C1QTNF7: variants seen among roughly 807,000 people sequenced by gnomAD.
The protein encoded by C1QTNF7 is C1q and TNF related 7.
In C1QTNF7, 15 loss-of-function variants were observed where a neutral mutation model predicts 19.6. That is an observed-to-expected ratio of 0.76 (90% confidence interval 0.51 to 1.18). The LOEUF is 1.18. Ranked by LOEUF, C1QTNF7 falls within the 50% of genes most tolerant of loss-of-function variation. C1QTNF7 has a pLI of 0.00. For missense variants in C1QTNF7, 324 were observed against 359.7 expected (o/e 0.90, Z 0.80); for synonymous variants, 142 against 137.5 (o/e 1.03, Z -0.23).
At chr4:15,425,431 T>C (rs1577276293), upstream of C1QTNF7, among the ~76,000 whole-genome samples, 1 of 151,942 alleles carries the variant, frequency 6.6e-6, no homozygotes, top group Non-Finnish European at 1.5e-5. Context: ...GAAAGAGGCA[T>C]AGGGGAGACA....
rs953441196 is a variant in C1QTNF7, at chr4:15,435,851, T to C, written c.108T>C (p.Ile36=). 31 of 1,613,992 alleles carry C rather than the reference T, an allele frequency of 1.9e-5. No individual in the cohort carries two copies. Among genetic ancestry groups the C allele is most frequent in the Non-Finnish European group, 2.5e-5 (30 of 1,180,034 alleles). The change falls in exon 2 of 3, where the codon ATT becomes ATC. Residue 36 remains isoleucine (I), a synonymous_variant. Transcript: ENST00000444304. ...ENYSPRYICS[I]PGLPGPPGPP... ...ACTCCCCCAGGTATATCTGCAGCAT[T>C]CCTGGCTTGCCTGGACCTCCAGGGC...
At chr4:15,383,609 T>C (rs553787218) in intron 1 of C1QTNF7, among the ~76,000 whole-genome samples, 13 of 152,362 alleles carry the variant, frequency 8.5e-5, no homozygotes, top group Admixed American at 3.9e-4. Flanking sequence ...TAGAAACCAA[T>C]GAAATTTAGG....
intron 1 of C1QTNF7, among the ~76,000 whole-genome samples, chr4:15,422,355 T>C (rs1711818829): frequency 6.6e-6 from 1 of 152,118 alleles, no homozygotes; most frequent in Non-Finnish European, 1.5e-5. Context: ...TATCTGATAA[T>C]TCATCCTATT....
chr4:15,441,402 A>C (rs10032808), intron 2 of C1QTNF7, among the ~76,000 whole-genome samples: 11,554 of 152,302 alleles, frequency 0.076, 698 homozygotes, highest in Admixed American at 0.19. Flanking sequence ...TAAATCCTTC[A>C]TAAATATAAG....
In C1QTNF7 at chr4:15,442,456, A is replaced by T. The variant is rs1219933007; in HGVS notation, c.527A>T (p.Glu176Val). Residue 176 changes from glutamate (E) to valine (V), a missense_variant, in exon 3 of 3, where the codon GAG (glutamate) becomes GTG (valine). Coordinates refer to ENST00000444304, the MANE Select transcript of C1QTNF7 (RefSeq NM_031911.5). ...IFNKVLFNEG[E>V]HYNPATGKFI... ...AACAAGGTCCTCTTCAACGAGGGAG[A>T]GCACTACAACCCTGCCACAGGGAAG... The T allele has an allele frequency of 6.2e-7, 1 of 1,614,186 alleles. No homozygotes were observed.
chr4:15,426,225 G>A (rs1246632099), upstream of C1QTNF7, among the ~76,000 whole-genome samples: 1 of 152,166 alleles, frequency 6.6e-6, no homozygotes, highest in Non-Finnish European at 1.5e-5. Context: ...TGGGGTGAGT[G>A]GCAGGTAAAA....
chr4:15,347,968 T>G (rs553820399), intron 1 of C1QTNF7, among the ~76,000 whole-genome samples: 1 of 152,300 alleles, frequency 6.6e-6, no homozygotes, highest in South Asian at 2.1e-4. Flanking sequence ...TAAGTTACTC[T>G]AGTTCTCTGA....
At chr4:15,403,107 T>C (rs555428982) in intron 1 of C1QTNF7, among the ~76,000 whole-genome samples, 1 of 152,254 alleles carries the variant, frequency 6.6e-6, no homozygotes, top group African/African-American at 2.4e-5. Context: ...CTTAGGTGCC[T>C]GAAAATCTGC....
Position 15,438,166 on chromosome 4 carries a change from GA to G in C1QTNF7, c.238+2189del, listed in dbSNP as rs1427302638. ...CAGCAATAAAATTAATGTTACAAATGAAAACAAATTGAGATTCAAAAACCAT... is the reference window on the plus strand; with the variant it reads ...CAGCAATAAAATTAATGTTACAAATGAAACAAATTGAGATTCAAAAACCAT... On this transcript the variant is annotated intron_variant, in intron 2 of 2. Coordinates refer to ENST00000444304, the MANE Select transcript of C1QTNF7 (RefSeq NM_031911.5). Among the ~76,000 whole-genome samples, 3 of 152,080 alleles carry G rather than the reference GA, an allele frequency of 2.0e-5. No homozygotes were observed. The East Asian group carries it at 5.8e-4, about 29-fold the overall frequency.
At position 15,364,743 on chromosome 4, in the gene C1QTNF7, T is replaced by C. The variant is rs1483889987; in HGVS notation, c.13+24536T>C. Among the ~76,000 whole-genome samples, 4 of 152,144 alleles carry C rather than the reference T, an allele frequency of 2.6e-5. No homozygotes were observed. The South Asian group carries it at 8.3e-4, about 31-fold the overall frequency. On this transcript the variant is annotated intron_variant, in intron 1 of 2. Transcript: ENST00000295297. The stretch of plus-strand genomic sequence containing the variant: ...AACACCACCGTGGAGAAAAAATATA[T>C]TTCCTGGGCAAGCATCATCCCATTG...
chr4:15,419,521 C>T (rs1220224693), intron 1 of C1QTNF7, among the ~76,000 whole-genome samples: 1 of 152,002 alleles, frequency 6.6e-6, no homozygotes, highest in East Asian at 1.9e-4. Context: ...GAACAGAAGA[C>T]CTATGCATAC....
chr4:15,371,058 C>T (rs189050104), intron 1 of C1QTNF7, among the ~76,000 whole-genome samples: 11 of 152,334 alleles, frequency 7.2e-5, no homozygotes, highest in East Asian at 3.9e-4. Flanking sequence ...CACATCTTCA[C>T]GCCCTGTCCC....
chr4:15,437,388 C>T lies in C1QTNF7; in HGVS notation c.238+1407C>T, dbSNP rs115652884. The stretch of plus-strand genomic sequence containing the variant: ...TTTAAGGGAAAGAGTACATGCAAAA[C>T]CTTCCACAGGATAACTGCCATGTGA... On this transcript the variant is annotated intron_variant, in intron 2 of 2. Coordinates refer to ENST00000444304, the MANE Select transcript of C1QTNF7 (RefSeq NM_031911.5). Among the ~76,000 whole-genome samples the T allele has an allele frequency of 2.8e-3, 430 of 151,988 alleles. 2 individuals carry two copies. The highest frequency in any genetic ancestry group is 0.01 in the African/African-American group (417 of 41,428).
Position 15,374,853 on chromosome 4 carries a change from T to TTCTC in C1QTNF7, c.13+34662_13+34665dup, listed in dbSNP as rs201913423. ...GGCGTCTTTTGGCTCATGTTGGTGT[T>TTCTC]TCTCTCTCTCTCTCTCTCTTTTTTT... On this transcript the variant is annotated intron_variant, in intron 1 of 2. Coordinates refer to the C1QTNF7 transcript ENST00000295297. 16 of 580,564 alleles carry TTCTC rather than the reference T, an allele frequency of 2.8e-5. No homozygotes were observed. In the Admixed American group the frequency reaches 9.1e-4, roughly 33 times the overall value. The allele number at this position is 580,564 out of a possible 1,614,324, so 36.0% of individuals were successfully genotyped here. A position where few individuals can be genotyped will look rare whatever the true frequency, so the allele number is the denominator to read the frequency against.
intron 1 of C1QTNF7, among the ~76,000 whole-genome samples, chr4:15,403,235 C>T (rs973145270): frequency 1.3e-5 from 2 of 152,150 alleles, no homozygotes; most frequent in African/African-American, 2.4e-5. Context: ...ATCAATTTTG[C>T]TCTGTGTTAT....
intron 1 of C1QTNF7, among the ~76,000 whole-genome samples, chr4:15,357,200 G>T (rs1717176174): frequency 6.6e-6 from 1 of 152,056 alleles, no homozygotes; most frequent in South Asian, 2.1e-4. Context: ...GTATTGCCTA[G>T]GTTTTCTTCT....
chr4:15,429,406 T>G (rs1306738605), intron 1 of C1QTNF7, among the ~76,000 whole-genome samples: 1 of 152,180 alleles, frequency 6.6e-6, no homozygotes, highest in East Asian at 1.9e-4. Flanking sequence ...CTTCCCTTCC[T>G]CCTCCAACAG....
intron 1 of C1QTNF7, among the ~76,000 whole-genome samples, chr4:15,407,519 C>A (rs1719236422): frequency 6.6e-6 from 1 of 152,186 alleles, no homozygotes; most frequent in African/African-American, 2.4e-5. Flanking sequence ...GAGGCTCATC[C>A]AGTGGATATC....
intron 1 of C1QTNF7, among the ~76,000 whole-genome samples, chr4:15,422,779 C>CT (rs2108927552): frequency 6.6e-6 from 1 of 151,988 alleles, no homozygotes; most frequent in Non-Finnish European, 1.5e-5. Flanking sequence ...TTTTTTATTT[C>CT]TTTTTTATGT....
Sources: allele counts gnomAD v4.1 joint callset (sites outside exome capture counted in the v4.1 genomes callset), GRCh38; gene constraint gnomAD v4.1.1; transcripts MANE v1.5; gene names NCBI Gene and HGNC (gene_info 2026-07-23, HGNC 2026-07-21).